AKAP6: variants seen among roughly 807,000 people sequenced by gnomAD.
The protein encoded by AKAP6 is A-kinase anchoring protein 6.
Under a neutral mutation model 188.5 loss-of-function variants are expected in AKAP6, and 58 were observed. The observed-to-expected ratio is 0.31, with a 90% CI of 0.25 to 0.38. The LOEUF (loss-of-function observed/expected upper bound fraction) is 0.38. Among genes scored for constraint, AKAP6 ranks in the 10% least tolerant of loss-of-function variants. The probability of loss-of-function intolerance (pLI) is 1.00; values close to 1 mark genes in which losing one functional copy is unlikely to be tolerated. For synonymous variants in AKAP6, 989 were observed against 998.6 expected, an observed-to-expected ratio of 0.99 and a Z score of 0.18; for missense variants, 2,710 against 2,740.0, an observed-to-expected ratio of 0.99 and a Z score of 0.24.
At chr14:32,336,857 C>T (rs1212990364) in intron 1 of AKAP6, among the ~76,000 whole-genome samples, 1 of 152,128 alleles carries the variant, frequency 6.6e-6, no homozygotes, top group Non-Finnish European at 1.5e-5. Flanking sequence ...CATTACAGTC[C>T]TCCCCACCAG....
chr14:32,607,927 G>A (rs907210510), intron 7 of AKAP6, among the ~76,000 whole-genome samples: 3 of 152,056 alleles, frequency 2.0e-5, no homozygotes, highest in Admixed American at 1.3e-4. Flanking sequence ...TATCAGAAGG[G>A]CAACTTTTCT....
chr14:32,433,879 AC>A, intron 2 of AKAP6, 62 bp downstream of exon 2: 1 of 1,482,288 alleles, frequency 6.7e-7, no homozygotes, highest in African/African-American at 1.4e-5. Flanking sequence ...GCACCTAGAG[AC>A]TGTGTTCTGT....
At position 32,757,909 on chromosome 14, in the gene AKAP6, G is replaced by A. The variant is rs535619642; in HGVS notation, c.3373-15769G>A. Among the ~76,000 whole-genome samples the A allele has an allele frequency of 2.6e-5, 4 of 152,244 alleles. No individual in the cohort carries two copies. In the South Asian group the frequency reaches 6.2e-4, roughly 24 times the overall value. On this transcript the variant is annotated intron_variant, in intron 11 of 13. Transcript: ENST00000280979. ...AAATGAGATCTGAAGTGGAGGGGACGAAACAGAACAATATATGCATGTGTG... is the reference window on the plus strand; with the variant it reads ...AAATGAGATCTGAAGTGGAGGGGACAAAACAGAACAATATATGCATGTGTG...
intron 11 of AKAP6, among the ~76,000 whole-genome samples, chr14:32,767,066 C>A (rs1166786237): frequency 6.6e-6 from 1 of 152,118 alleles, no homozygotes; most frequent in Non-Finnish European, 1.5e-5. Flanking sequence ...AAAAACTATT[C>A]TTTCCTGACT....
chr14:32,691,152 A>G (rs1485221342), intron 8 of AKAP6, among the ~76,000 whole-genome samples: 2 of 152,176 alleles, frequency 1.3e-5, no homozygotes, highest in Non-Finnish European at 2.9e-5. Flanking sequence ...CTATAAGATT[A>G]TAAGCTACTC....
intron 4 of AKAP6, among the ~76,000 whole-genome samples, chr14:32,571,790 C>T (rs993122885): frequency 6.6e-6 from 1 of 152,122 alleles, no homozygotes; most frequent in African/African-American, 2.4e-5. Context: ...GAACTAAGGG[C>T]CATGTCCTCT....
At chr14:32,574,231 A>G (rs752067926) in intron 4 of AKAP6, among the ~76,000 whole-genome samples, 80 of 152,280 alleles carry the variant, frequency 5.3e-4, no homozygotes, top group Admixed American at 5.0e-3. Context: ...GAAAAGAGAT[A>G]GGAAATGTGC....
rs2034524465 is a variant in AKAP6 at position 32,821,701 on chromosome 14, C to G, written c.3888C>G (p.Leu1296=). The G allele has an allele frequency of 6.2e-7, 1 of 1,613,796 alleles. No individual in the cohort carries two copies. The highest frequency in any genetic ancestry group is 2.2e-5 in the East Asian group (1 of 44,856). ...YQVYSLHNVE[L]YEDNHMPFLK... is the part of the protein sequence containing the mutation. ...TGTACAGCCTCCACAATGTTGAACT[C>G]TATGAGGACAACCACATGCCATTTC... The change falls in exon 13 of 14, where the codon CTC becomes CTG. Residue 1296 remains leucine, a synonymous_variant. Coordinates refer to ENST00000280979, the MANE Select transcript of AKAP6 (RefSeq NM_004274.5).
intron 4 of AKAP6, among the ~76,000 whole-genome samples, chr14:32,570,648 C>T (rs180718354): frequency 8.8e-4 from 134 of 152,236 alleles, no homozygotes; most frequent in Non-Finnish European, 1.3e-3. Flanking sequence ...TGTAATCCCA[C>T]GGTGAATGTT....
intron 5 of AKAP6, among the ~76,000 whole-genome samples, chr14:32,584,231 T>C (rs1316953640): frequency 6.6e-6 from 1 of 152,188 alleles, no homozygotes; most frequent in Non-Finnish European, 1.5e-5. Context: ...ACACCTCATG[T>C]ATACCATGTC....
intron 2 of AKAP6, among the ~76,000 whole-genome samples, chr14:32,535,139 G>A (rs1470826951): frequency 2.0e-5 from 3 of 152,120 alleles, no homozygotes; most frequent in East Asian, 1.9e-4. Flanking sequence ...TTCTTCAAAG[G>A]TGTCTAGGTG....
rs370513745 is a variant in AKAP6 at position 32,623,187 on chromosome 14, G to T, written c.2730+22395G>T. Among the ~76,000 whole-genome samples the T allele has an allele frequency of 9.2e-5, 14 of 152,264 alleles. No individual in the cohort carries two copies. The East Asian group carries it at 2.3e-3, about 25-fold the overall frequency. ...GGTGATGAGATCTTGAGGCTTAAAAGATACAGGATCTGAAATCTTGAAATA... is the reference window on the plus strand; with the variant it reads ...GGTGATGAGATCTTGAGGCTTAAAATATACAGGATCTGAAATCTTGAAATA... On this transcript the variant is annotated intron_variant, in intron 7 of 13. Transcript: ENST00000280979.
intron 4 of AKAP6, among the ~76,000 whole-genome samples, chr14:32,567,678 C>G (rs1043195970): frequency 6.6e-6 from 1 of 152,150 alleles, no homozygotes; most frequent in Non-Finnish European, 1.5e-5. Flanking sequence ...TGCAAATACT[C>G]CCATCAAGCC....
chr14:32,608,904 T>C (rs1835387087), intron 7 of AKAP6, among the ~76,000 whole-genome samples: 1 of 152,030 alleles, frequency 6.6e-6, no homozygotes, highest in African/African-American at 2.4e-5. Flanking sequence ...TTAATGTAAG[T>C]ATTTAAGCAC....
chr14:32,702,222 A>T (rs930652439), intron 9 of AKAP6, among the ~76,000 whole-genome samples: 1 of 152,196 alleles, frequency 6.6e-6, no homozygotes, highest in Non-Finnish European at 1.5e-5. Flanking sequence ...ATTTCAAATA[A>T]CATTATCTAG....
intron 1 of AKAP6, among the ~76,000 whole-genome samples, chr14:32,422,400 C>A (rs1202710378): frequency 6.6e-6 from 1 of 152,092 alleles, no homozygotes; most frequent in Non-Finnish European, 1.5e-5. Context: ...TTTATTGTAG[C>A]AAAAGGATAC....
At chr14:32,810,210 A>G (rs1436478837) in intron 12 of AKAP6, among the ~76,000 whole-genome samples, 5 of 151,690 alleles carry the variant, frequency 3.3e-5, no homozygotes, top group Non-Finnish European at 7.4e-5. Context: ...TATTTTTTGC[A>G]AAGAATTTTA....
At chr14:32,778,931 G>T (rs2073236509) in intron 12 of AKAP6, among the ~76,000 whole-genome samples, 4 of 150,894 alleles carry the variant, frequency 2.7e-5, no homozygotes, top group South Asian at 4.2e-4. Context: ...AAAAATAAAA[G>T]AAAAAGAATA....
intron 3 of AKAP6, among the ~76,000 whole-genome samples, chr14:32,542,473 A>G (rs963839725): frequency 6.6e-6 from 1 of 152,232 alleles, no homozygotes; most frequent in Admixed American, 6.5e-5. Context: ...TCACAATAGT[A>G]TTTATTTATA....
Sources: allele counts gnomAD v4.1 joint callset (sites outside exome capture counted in the v4.1 genomes callset), GRCh38; gene constraint gnomAD v4.1.1; transcripts MANE v1.5; gene names NCBI Gene and HGNC (gene_info 2026-07-23, HGNC 2026-07-21).